Variants in NCEH1 observed in about 807,000 individuals in gnomAD.
The protein encoded by NCEH1 is 2-acetyl MAGE hydrolase.
NCEH1 carries 9 observed loss-of-function variants against 25.4 expected under a neutral mutation model. The observed-to-expected ratio is 0.35, with a 90% CI of 0.21 to 0.62. NCEH1 has a LOEUF of 0.62. Among genes scored for constraint, NCEH1 ranks in the 20% least tolerant of loss-of-function variants. The pLI is 0.72. For synonymous variants in NCEH1, 200 were observed against 199.8 expected, an observed-to-expected ratio of 1.00 and a Z score of -0.01; for missense variants, 412 against 501.1, an observed-to-expected ratio of 0.82 and a Z score of 1.70.
chr3:172,648,380 A>G (rs1717228326), intron 1 of NCEH1, among the ~76,000 whole-genome samples: 1 of 152,152 alleles, frequency 6.6e-6, no homozygotes, highest in Non-Finnish European at 1.5e-5. Flanking sequence ...ATTTCATTGG[A>G]TAAGTGGTAG....
intron 1 of NCEH1, among the ~76,000 whole-genome samples, chr3:172,695,414 T>C (rs1713299897): frequency 6.6e-6 from 1 of 152,168 alleles, no homozygotes; most frequent in African/African-American, 2.4e-5. Flanking sequence ...CCAGTGGAGC[T>C]CCTTGATATA....
At chr3:172,706,323 T>C (rs1713983119) in intron 1 of NCEH1, among the ~76,000 whole-genome samples, 1 of 152,174 alleles carries the variant, frequency 6.6e-6, no homozygotes, top group South Asian at 2.1e-4. Flanking sequence ...CAAACATAGA[T>C]ACATGTTTTG....
intron 1 of NCEH1, among the ~76,000 whole-genome samples, chr3:172,687,336 A>T (rs942487421): frequency 6.6e-6 from 1 of 152,068 alleles, no homozygotes; most frequent in Non-Finnish European, 1.5e-5. Flanking sequence ...CCATTTGAAA[A>T]TCACCCATGT....
chr3:172,682,437 G>A (rs147164808), intron 1 of NCEH1, among the ~76,000 whole-genome samples: 5 of 152,162 alleles, frequency 3.3e-5, no homozygotes, highest in African/African-American at 9.7e-5. Flanking sequence ...CTGGGTCTGG[G>A]GGGGTAATGG....
intron 1 of NCEH1, among the ~76,000 whole-genome samples, chr3:172,657,257 ATCTT>A (rs753460754): frequency 1.4e-5 from 2 of 147,668 alleles, no homozygotes; most frequent in Non-Finnish European, 2.9e-5. Context: ...TCCTTGATCT[ATCTT>A]TCTCAAGCTT....
chr3:172,659,721 C>T (rs551757337), intron 1 of NCEH1, among the ~76,000 whole-genome samples: 1 of 152,218 alleles, frequency 6.6e-6, no homozygotes, highest in East Asian at 1.9e-4. Context: ...ACATATTTAC[C>T]CAAAGGGAAA....
intron 1 of NCEH1, among the ~76,000 whole-genome samples, chr3:172,668,525 T>C (rs1718337340): frequency 6.6e-6 from 1 of 152,014 alleles, no homozygotes; most frequent in Non-Finnish European, 1.5e-5. Flanking sequence ...TGGCTAATTT[T>C]TGTATTTTTA....
At chr3:172,700,443 G>T (rs947655396) in intron 1 of NCEH1, among the ~76,000 whole-genome samples, 1 of 152,150 alleles carries the variant, frequency 6.6e-6, no homozygotes, top group Non-Finnish European at 1.5e-5. Flanking sequence ...CAGCAGGGAG[G>T]GCATGAAACT....
chr3:172,655,575 T>TA (rs1717653574), intron 1 of NCEH1, among the ~76,000 whole-genome samples: 1 of 152,196 alleles, frequency 6.6e-6, no homozygotes, highest in African/African-American at 2.4e-5. Flanking sequence ...GTTCACGCTT[T>TA]AGTCCTCTGC....
rs186886896 is a variant in NCEH1, at chr3:172,631,867, A to T, written c.*1608T>A. On this transcript the variant is annotated 3_prime_UTR_variant, in exon 5 of 5. Coordinates refer to ENST00000475381, the MANE Select transcript of NCEH1 (RefSeq NM_020792.6). Reference sequence around the variant, plus strand: ...GCTGCTGCTCTCCGCAGCCCCTAAAAGTAGCATGGATCGGGGAAGAAGGAA... The same window carrying T: ...GCTGCTGCTCTCCGCAGCCCCTAAATGTAGCATGGATCGGGGAAGAAGGAA... The T allele has an allele frequency of 7.9e-5, 12 of 152,754 alleles. No homozygotes were observed. Among genetic ancestry groups the T allele is most frequent in the Non-Finnish European group, 1.0e-4 (7 of 68,058 alleles). 9.5% of individuals were successfully genotyped at this position (152,754 alleles called of 1,614,324 possible). A position where few individuals can be genotyped will look rare whatever the true frequency, so the allele number is the denominator to read the frequency against.
chr3:172,704,178 C>T (rs1105152), intron 1 of NCEH1, among the ~76,000 whole-genome samples: 29,615 of 152,156 alleles, frequency 0.19, 3,103 homozygotes, highest in Non-Finnish European at 0.23. Flanking sequence ...AAAAGCACAT[C>T]ATGCACAGAG....
At chr3:172,672,661 A>G (rs1191307025) in intron 1 of NCEH1, among the ~76,000 whole-genome samples, 1 of 152,208 alleles carries the variant, frequency 6.6e-6, no homozygotes, top group Admixed American at 6.5e-5. Flanking sequence ...GAAGGGGGCC[A>G]CTTCGGTCTT....
At chr3:172,667,194 T>C (rs1276416642) in intron 1 of NCEH1, among the ~76,000 whole-genome samples, 1 of 152,190 alleles carries the variant, frequency 6.6e-6, no homozygotes, top group East Asian at 1.9e-4. Flanking sequence ...ATGCGTCCCA[T>C]CAGCAGGGAA....
intron 3 of NCEH1, among the ~76,000 whole-genome samples, chr3:172,642,710 A>T (rs926014838): frequency 2.0e-5 from 3 of 151,914 alleles, no homozygotes; most frequent in Non-Finnish European, 4.4e-5. Flanking sequence ...GGCTAGATAG[A>T]GCAATAATCC....
Position 172,633,362 on chromosome 3 carries a change from C to T in NCEH1, c.*113G>A, listed in dbSNP as rs1024265788. 5.9e-6 allele frequency: 6 copies of T among 1,022,320 alleles called. No individual in the cohort carries two copies. In the African/African-American group the frequency reaches 9.7e-5, roughly 16 times the overall value. 63.3% of individuals were successfully genotyped at this position (1,022,320 alleles called of 1,614,324 possible). On this transcript the variant is annotated 3_prime_UTR_variant, in exon 5 of 5. Coordinates refer to ENST00000475381, the MANE Select transcript of NCEH1 (RefSeq NM_020792.6). Reference sequence around the variant, plus strand: ...CAGTTATGGAATAGAAATTCCATAACTCGCAAGTAGAGGGGAATGGGAGGA... The same window carrying T: ...CAGTTATGGAATAGAAATTCCATAATTCGCAAGTAGAGGGGAATGGGAGGA...
Position 172,668,842 on chromosome 3 carries a change from C to T in NCEH1, c.139-20728G>A, listed in dbSNP as rs566201824. ...TATATTTTCCCCCCAGAAGGCAGAG[C>T]GTGAGCAAGCTAAATATAGCTAGGT... On this transcript the variant is annotated intron_variant, in intron 1 of 4. Coordinates refer to ENST00000475381, the MANE Select transcript of NCEH1 (RefSeq NM_020792.6). Among the ~76,000 whole-genome samples the T allele has an allele frequency of 3.3e-5, 5 of 152,156 alleles. No individual in the cohort carries two copies. The East Asian group carries it at 7.7e-4, about 24-fold the overall frequency.
At chr3:172,642,547 A>C (rs779299639) in intron 3 of NCEH1, among the ~76,000 whole-genome samples, 7 of 150,904 alleles carry the variant, frequency 4.6e-5, no homozygotes, top group Non-Finnish European at 7.4e-5. Context: ...CATAGGTTAT[A>C]AAGTGCTCTT....
chr3:172,638,253 G>C (rs1203449442), intron 3 of NCEH1, among the ~76,000 whole-genome samples: 1 of 113,578 alleles, frequency 8.8e-6, no homozygotes, highest in African/African-American at 3.3e-5. Context: ...ACTCCAGCCT[G>C]GGCGACAGAA....
intron 1 of NCEH1, among the ~76,000 whole-genome samples, chr3:172,666,818 T>C (rs1169655979): frequency 6.6e-6 from 1 of 152,196 alleles, no homozygotes; most frequent in African/African-American, 2.4e-5. Flanking sequence ...GTTGAATGTG[T>C]GGGAATTTTT....
Sources: allele counts gnomAD v4.1 joint callset (sites outside exome capture counted in the v4.1 genomes callset), GRCh38; gene constraint gnomAD v4.1.1; transcripts MANE v1.5; gene names NCBI Gene and HGNC (gene_info 2026-07-23, HGNC 2026-07-21).